VPS13B: variants seen among roughly 807,000 people sequenced by gnomAD.
VPS13B encodes the protein vacuolar protein sorting 13 homolog B, also known as intermembrane lipid transfer protein VPS13B.
Under a neutral mutation model 426.4 loss-of-function variants are expected in VPS13B, and 285 were observed. The observed-to-expected ratio is 0.67, with a 90% CI of 0.61 to 0.74. VPS13B has a LOEUF of 0.74. Among genes scored for constraint, VPS13B ranks in the 30% least tolerant of loss-of-function variants. The probability of loss-of-function intolerance (pLI) is 0.00; values close to 1 mark genes in which losing one functional copy is unlikely to be tolerated. For missense variants in VPS13B, 4,537 were observed against 4,782.6 expected, an observed-to-expected ratio of 0.95 and a Z score of 1.51; for synonymous variants, 1,676 against 1,676.4, an observed-to-expected ratio of 1.00 and a Z score of 0.01.
intron 48 of VPS13B, 142 bp from the exon 49 acceptor site, chr8:99,819,779 G>C: frequency 1.6e-6 from 2 of 1,275,950 alleles, no homozygotes; most frequent in Non-Finnish European, 2.2e-6. Flanking sequence ...GCTTTCTCCT[G>C]CATGCAAATT....
In VPS13B at chr8:99,718,671, CT is replaced by C. The variant is rs1307941415; in HGVS notation, c.6657+1311del. Among the ~76,000 whole-genome samples the C allele has an allele frequency of 6.5e-3, 924 of 141,548 alleles. 5 individuals carry two copies. The highest frequency in any genetic ancestry group is 0.017 in the African/African-American group (676 of 38,990). The allele number at this position is 141,548 out of a possible 152,430, so 92.9% of individuals were successfully genotyped here. On this transcript the variant is annotated intron_variant, in intron 37 of 61. Coordinates refer to ENST00000357162, the MANE Select transcript of VPS13B (RefSeq NM_152564.5). ...TAAATGTGAATTTTTTTCTTTTTTT[CT>C]TTTTTTTTTTTTGAGACAGAATCTC...
At chr8:99,320,160 C>T (rs1164578615) in intron 19 of VPS13B, among the ~76,000 whole-genome samples, 1 of 152,044 alleles carries the variant, frequency 6.6e-6, no homozygotes, top group Non-Finnish European at 1.5e-5. Flanking sequence ...GTTTCTAAGA[C>T]CTTATTAAAT....
chr8:99,171,836 A>C (rs546396994), intron 16 of VPS13B, among the ~76,000 whole-genome samples: 29 of 152,288 alleles, frequency 1.9e-4, no homozygotes, highest in Non-Finnish European at 4.1e-4. Context: ...GAGAAAACTT[A>C]ATAAATTGAG....
intron 2 of VPS13B, among the ~76,000 whole-genome samples, chr8:99,019,845 T>A (rs970203795): frequency 1.3e-5 from 2 of 152,268 alleles, no homozygotes; most frequent in African/African-American, 4.8e-5. Flanking sequence ...CTAAATAATC[T>A]ATTATATGTA....
intron 3 of VPS13B, among the ~76,000 whole-genome samples, chr8:99,058,292 C>T (rs1843992035): frequency 6.6e-6 from 1 of 151,182 alleles, no homozygotes. Flanking sequence ...TATAATGCCC[C>T]CTTTTTTTAT....
chr8:99,491,010 A>C (rs1820578188), intron 25 of VPS13B, among the ~76,000 whole-genome samples: 1 of 152,088 alleles, frequency 6.6e-6, no homozygotes, highest in Non-Finnish European at 1.5e-5. Context: ...TGTCGATTTT[A>C]GATCTTTCCT....
chr8:99,413,518 A>G (rs1033552014), intron 21 of VPS13B, among the ~76,000 whole-genome samples: 75 of 151,494 alleles, frequency 5.0e-4, no homozygotes, highest in African/African-American at 1.7e-3. Flanking sequence ...TTTAATTGTG[A>G]TGTTAGGATA....
At chr8:99,327,990 T>A (rs1810365794) in intron 19 of VPS13B, among the ~76,000 whole-genome samples, 1 of 152,188 alleles carries the variant, frequency 6.6e-6, no homozygotes, top group Non-Finnish European at 1.5e-5. Flanking sequence ...AAAGTAGAAG[T>A]CCCCGATCTG....
At position 99,270,547 on chromosome 8, in the gene VPS13B, A is replaced by C. The variant is rs143124629; in HGVS notation, c.2516-3651A>C. ...TATTTATGATTCAAGGTAGAGTATT[A>C]AGTTTTGGAAACTGTAAAAGAAGCC... On this transcript the variant is annotated intron_variant, in intron 17 of 61. Transcript: ENST00000357162. 6.3e-3 allele frequency among the ~76,000 whole-genome samples: 962 copies of C among 152,264 alleles called. 8 individuals carry two copies. The highest frequency in any genetic ancestry group is 0.022 in the African/African-American group (903 of 41,538).
At chr8:99,681,021 AT>A (rs529228540) in intron 35 of VPS13B, among the ~76,000 whole-genome samples, 12 of 152,132 alleles carry the variant, frequency 7.9e-5, no homozygotes, top group Non-Finnish European at 1.6e-4. Context: ...ACCAGACACT[AT>A]TTTTGCATAT....
intron 39 of VPS13B, among the ~76,000 whole-genome samples, chr8:99,759,962 C>T (rs925778239): frequency 1.3e-5 from 2 of 151,752 alleles, no homozygotes; most frequent in East Asian, 3.9e-4. Context: ...TTTTTCTTTT[C>T]TTTTCTTTTT....
At chr8:99,657,690 A>G (rs1383508712) in intron 34 of VPS13B, among the ~76,000 whole-genome samples, 1 of 152,168 alleles carries the variant, frequency 6.6e-6, no homozygotes, top group Non-Finnish European at 1.5e-5. Context: ...CTATAGATAG[A>G]TATTTAGTTT....
At chr8:99,571,076 G>A (rs756386079) in intron 31 of VPS13B, among the ~76,000 whole-genome samples, 2 of 152,102 alleles carry the variant, frequency 1.3e-5, no homozygotes, top group Non-Finnish European at 2.9e-5. Context: ...AGGGGCCCCA[G>A]ATCTAGGTAG....
intron 34 of VPS13B, 148 bp from the exon 35 acceptor site, chr8:99,661,206 T>C (rs1334865993): frequency 1.1e-6 from 1 of 932,190 alleles, no homozygotes; most frequent in East Asian, 2.6e-5. Context: ...AGTGCTTGTT[T>C]ACTGTATGTG....
intron 33 of VPS13B, among the ~76,000 whole-genome samples, chr8:99,633,532 A>T (rs900214684): frequency 2.6e-5 from 4 of 152,114 alleles, no homozygotes; most frequent in Middle Eastern, 6.8e-3. Flanking sequence ...TGAAAAACAG[A>T]CTCCAACTCA....
At position 99,511,390 on chromosome 8, in the gene VPS13B, C is replaced by A. The variant is rs1202625901; in HGVS notation, c.4511C>A (p.Ser1504Tyr). Residue 1504 changes from serine (S) to tyrosine (Y), a missense_variant, in exon 29 of 62, where the codon TCT (serine) becomes TAT (tyrosine). Ser to Tyr is a moderately radical substitution (Grantham distance 144). Coordinates refer to ENST00000357162, the MANE Select transcript of VPS13B (RefSeq NM_152564.5). ...AAGACCCAAAAAGAGAAAAGAAAAT[C>A]TCCTGGTCAGCCCATGAGGACCCAT... is the stretch of plus-strand genomic sequence containing the variant. Reference protein sequence around the residue: ...LPKTQKEKRKSPGQPMRTHTL... With the variant: ...LPKTQKEKRKYPGQPMRTHTL... 6.2e-7 allele frequency: 1 copy of A among 1,613,888 alleles called. No individual in the cohort carries two copies. The highest frequency in any genetic ancestry group is 1.7e-5 in the Admixed American group (1 of 60,000).
chr8:99,383,281 A>C (rs1205286090), intron 19 of VPS13B, among the ~76,000 whole-genome samples: 1 of 152,124 alleles, frequency 6.6e-6, no homozygotes, highest in African/African-American at 2.4e-5. Context: ...GAACATTAAA[A>C]GTTGTAATTT....
intron 55 of VPS13B, among the ~76,000 whole-genome samples, chr8:99,851,110 T>C (rs1816272208): frequency 6.6e-6 from 1 of 152,232 alleles, no homozygotes; most frequent in Admixed American, 6.5e-5. Context: ...GAAGACGAAC[T>C]TTTAACTAGT....
chr8:99,495,127 C>A (rs1820817636), intron 25 of VPS13B, among the ~76,000 whole-genome samples: 1 of 152,028 alleles, frequency 6.6e-6, no homozygotes, highest in Admixed American at 6.5e-5. Flanking sequence ...TAAAGGATAA[C>A]CCCAATTTAT....
Sources: gnomAD v4.1 joint callset for allele counts (sites outside exome capture counted in the v4.1 genomes callset) on GRCh38, gnomAD v4.1.1 for gene constraint, MANE v1.5 for transcripts, NCBI Gene and HGNC (gene_info 2026-07-23, HGNC 2026-07-21) for gene names.